The following ANO3 variants were observed in gnomAD, a reference collection of about 807,000 sequenced individuals.
ANO3 encodes anoctamin-3.
In ANO3, 99 loss-of-function variants were observed where a neutral mutation model predicts 144.8. The ratio of observed to expected loss-of-function variants is 0.68; its 90% CI spans 0.58 to 0.81. ANO3 has a LOEUF of 0.81. ANO3 is among the 30% of genes least tolerant of loss of function. The probability of loss-of-function intolerance (pLI) is 0.00; values close to 1 mark genes in which losing one functional copy is unlikely to be tolerated. For synonymous variants in ANO3, 414 were observed against 392.6 expected, an observed-to-expected ratio of 1.05 and a Z score of -0.64; for missense variants, 905 against 1,202.2, an observed-to-expected ratio of 0.75 and a Z score of 3.66.
At chr11:26,564,728 CACACATATATATATATATAT>C (rs1287592715) in intron 14 of ANO3, among the ~76,000 whole-genome samples, 94 of 36,122 alleles carry the variant, frequency 2.6e-3, no homozygotes, top group African/African-American at 9.5e-3. Context: ...CACACACACA[CACACATATATATATATATAT>C]ATATATATAT....
rs144719637 is a variant in ANO3 at position 26,299,162 on chromosome 11, AAG to A, written c.155-10480_155-10479del. ...TTTGCAAAGTTAAAAGGTTAAGAAA[AAG>A]AGGAATGACAAAGGAGGCTGAAAAG... On this transcript the variant is annotated intron_variant, in intron 1 of 27. Coordinates refer to the ANO3 transcript ENST00000672621. 7.6e-4 allele frequency among the ~76,000 whole-genome samples: 115 copies of A among 152,308 alleles called. 3 individuals carry two copies. In the East Asian group the frequency reaches 0.016, roughly 21 times the overall value.
At chr11:26,281,455 G>A (rs978926884) in intron 1 of ANO3, among the ~76,000 whole-genome samples, 2 of 152,068 alleles carry the variant, frequency 1.3e-5, no homozygotes, top group African/African-American at 2.4e-5. Flanking sequence ...TATTAGCTAA[G>A]AACCTGTCCA....
intron 3 of ANO3, among the ~76,000 whole-genome samples, chr11:26,455,128 G>A (rs1185200785): frequency 6.6e-6 from 1 of 151,842 alleles, no homozygotes; most frequent in African/African-American, 2.4e-5. Flanking sequence ...TACTGAATGG[G>A]CAAAAACTGG....
intron 14 of ANO3, among the ~76,000 whole-genome samples, chr11:26,579,066 A>T (rs1021669682): frequency 6.6e-6 from 1 of 152,198 alleles, no homozygotes; most frequent in African/African-American, 2.4e-5. Context: ...GACTTAACTT[A>T]TTAAGTGAGG....
chr11:26,563,053 C>T, intron 14 of ANO3: 17 of 1,578,120 alleles, frequency 1.1e-5, no homozygotes, highest in Non-Finnish European at 1.5e-5. Context: ...ATGCAGTGAA[C>T]ATTGGCATCC....
chr11:26,317,780 A>T (rs1048112949), intron 1 of ANO3, among the ~76,000 whole-genome samples: 7 of 152,222 alleles, frequency 4.6e-5, no homozygotes, highest in African/African-American at 1.7e-4. Flanking sequence ...AGGATTATAA[A>T]TCATGTGACT....
intron 18 of ANO3, among the ~76,000 whole-genome samples, chr11:26,632,171 G>A (rs573901750): frequency 2.6e-4 from 37 of 143,328 alleles, no homozygotes; most frequent in East Asian, 6.2e-4. Context: ...CAGCCTGGGC[G>A]ACAAAGTGAG....
chr11:26,610,308 A>ATTTTTTTTTTTTTT (rs34715952), intron 17 of ANO3, among the ~76,000 whole-genome samples: 1 of 130,308 alleles, frequency 7.7e-6, no homozygotes, highest in African/African-American at 2.8e-5. Flanking sequence ...GATGTTGAGC[A>ATTTTTTTTTTTTTT]TTTTTTTTTT....
intron 11 of ANO3, 36 bp downstream of exon 11, chr11:26,542,104 T>G (rs1407581062): frequency 6.3e-7 from 1 of 1,598,914 alleles, no homozygotes; most frequent in African/African-American, 1.3e-5. Flanking sequence ...AAGCAAAGTA[T>G]TCTGTTTTGT....
At chr11:26,571,296 A>G (rs1850815765) in intron 14 of ANO3, among the ~76,000 whole-genome samples, 1 of 152,154 alleles carries the variant, frequency 6.6e-6, no homozygotes, top group Non-Finnish European at 1.5e-5. Flanking sequence ...ACTAAATAGA[A>G]AGTAGATAAA....
intron 26 of ANO3, among the ~76,000 whole-genome samples, chr11:26,656,697 C>T (rs1287942768): frequency 1.3e-5 from 2 of 151,958 alleles, no homozygotes; most frequent in African/African-American, 2.4e-5. Context: ...AGGAAATCAG[C>T]GTTAATAAAA....
intron 20 of ANO3, among the ~76,000 whole-genome samples, chr11:26,636,105 T>A (rs1852950428): frequency 6.6e-6 from 1 of 152,090 alleles, no homozygotes; most frequent in Non-Finnish European, 1.5e-5. Context: ...GAAGCTGAGG[T>A]GGGAAGATCC....
Position 26,624,468 on chromosome 11 carries a change from G to GA in ANO3, c.1849dup (p.Ile617AsnfsTer56). On this transcript the variant is annotated frameshift_variant, in exon 18 of 27. Coordinates refer to ENST00000256737, the MANE Select transcript of ANO3 (RefSeq NM_031418.4). LOFTEE classifies it high-confidence loss of function. ...GTATTCTCTTTTATTACAGGCTTAT[G>GA]AAAAAATTGCTTACCTCCTCACCAA... 6.2e-7 allele frequency: 1 copy of GA among 1,605,806 alleles called. No homozygotes were observed. Among genetic ancestry groups the GA allele is most frequent in the Non-Finnish European group, 8.5e-7 (1 of 1,173,558 alleles).
chr11:26,318,144 A>G (rs1011577935), intron 1 of ANO3, among the ~76,000 whole-genome samples: 35 of 152,134 alleles, frequency 2.3e-4, no homozygotes, highest in Admixed American at 6.5e-5. Flanking sequence ...GCATTAGGAG[A>G]AATACCTAAT....
At chr11:26,535,638 A>G in intron 9 of ANO3, among the ~76,000 whole-genome samples, 1 of 116,228 alleles carries the variant, frequency 8.6e-6, no homozygotes, top group Non-Finnish European at 1.6e-5. Context: ...GCTGGAGTGC[A>G]GTGGCACGAT....
Position 26,335,647 on chromosome 11 carries a change from T to G in ANO3, c.46+3326T>G, listed in dbSNP as rs1348938010. On this transcript the variant is annotated intron_variant, in intron 1 of 26. Transcript: ENST00000256737. Reference sequence around the variant, plus strand: ...AATGGTATTTATTTACTGTCCACTCTTAAGTACCATGCTTTTGCTGCGTGT... The same window carrying G: ...AATGGTATTTATTTACTGTCCACTCGTAAGTACCATGCTTTTGCTGCGTGT... 2.0e-5 allele frequency among the ~76,000 whole-genome samples: 3 copies of G among 152,356 alleles called. No homozygotes were observed. In the East Asian group the frequency reaches 5.8e-4, roughly 29 times the overall value.
chr11:26,241,973 A>C (rs556725978), intron 1 of ANO3, among the ~76,000 whole-genome samples: 4 of 152,330 alleles, frequency 2.6e-5, no homozygotes, highest in African/African-American at 9.6e-5. Flanking sequence ...CAAAATAGAG[A>C]GCTTTCAAGG....
At chr11:26,319,836 A>C (rs895147857) in intron 1 of ANO3, among the ~76,000 whole-genome samples, 6 of 151,800 alleles carry the variant, frequency 4.0e-5, no homozygotes, top group Admixed American at 6.6e-5. Context: ...TTTTTTAAAA[A>C]TATTTCTTTC....
At chr11:26,265,129 T>C (rs1853279841) in intron 1 of ANO3, among the ~76,000 whole-genome samples, 1 of 152,198 alleles carries the variant, frequency 6.6e-6, no homozygotes, top group African/African-American at 2.4e-5. Flanking sequence ...TGTATATACT[T>C]TTCTGTCAAA....
Sources: gnomAD v4.1 joint callset for allele counts (sites outside exome capture counted in the v4.1 genomes callset) on GRCh38, gnomAD v4.1.1 for gene constraint, MANE v1.5 for transcripts, NCBI Gene and HGNC (gene_info 2026-07-23, HGNC 2026-07-21) for gene names.